Variants in SHTN1 observed in about 807,000 individuals in gnomAD.
The protein encoded by SHTN1 is shootin 1, also known as shootin-1.
SHTN1 carries 42 observed loss-of-function variants against 83.1 expected under a neutral mutation model. The observed-to-expected ratio is 0.51, with a 90% CI of 0.39 to 0.65. SHTN1 has a LOEUF of 0.65. SHTN1 is among the 30% of genes least tolerant of loss of function. The probability of loss-of-function intolerance (pLI) is 0.00; values close to 1 mark genes in which losing one functional copy is unlikely to be tolerated. For synonymous variants in SHTN1, 224 were observed against 247.7 expected, an observed-to-expected ratio of 0.90 and a Z score of 0.90; for missense variants, 622 against 737.8, an observed-to-expected ratio of 0.84 and a Z score of 1.82.
At chr10:116,966,796 A>C (rs1463116286) in intron 3 of SHTN1, among the ~76,000 whole-genome samples, 1 of 152,196 alleles carries the variant, frequency 6.6e-6, no homozygotes, top group Non-Finnish European at 1.5e-5. Context: ...ACACCAATCC[A>C]TTATCAATAA....
chr10:117,103,030 C>A (rs1411138584), intron 1 of SHTN1, among the ~76,000 whole-genome samples: 1 of 152,200 alleles, frequency 6.6e-6, no homozygotes, highest in East Asian at 1.9e-4. Flanking sequence ...ATTATAAAAA[C>A]TGAGGCCTTG....
At chr10:117,123,147 C>A (rs1853955721) in intron 1 of SHTN1, among the ~76,000 whole-genome samples, 1 of 152,124 alleles carries the variant, frequency 6.6e-6, no homozygotes, top group Non-Finnish European at 1.5e-5. Flanking sequence ...GGATTACAGG[C>A]ATGTACCACC....
At chr10:117,125,328 G>A (rs1853987386) in intron 1 of SHTN1, among the ~76,000 whole-genome samples, 1 of 152,170 alleles carries the variant, frequency 6.6e-6, no homozygotes, top group Non-Finnish European at 1.5e-5. Flanking sequence ...TAATGGTGAT[G>A]TCTAGAAACA....
In SHTN1 at chr10:116,940,459, GGGT is replaced by G; in HGVS notation, c.858+4_858+6del. On this transcript the variant is annotated splice_donor_5th_base_variant and intron_variant, in intron 9 of 16. Transcript: ENST00000355371. ...TGTACCTAAGATTCCAGAAGAAAAT[GGGT>G]TACCTTTTGTTGATGCTGAATTCTC... The G allele has an allele frequency of 6.2e-7, 1 of 1,613,244 alleles. No homozygotes were observed. Among genetic ancestry groups the G allele is most frequent in the Non-Finnish European group, 8.5e-7 (1 of 1,179,534 alleles).
At chr10:117,077,194 A>C (rs1853171299) in intron 1 of SHTN1, among the ~76,000 whole-genome samples, 1 of 152,230 alleles carries the variant, frequency 6.6e-6, no homozygotes, top group Admixed American at 6.5e-5. Flanking sequence ...AAGTGTGGTC[A>C]TATGTCAGCT....
chr10:117,113,637 G>C (rs2037540350), intron 1 of SHTN1, among the ~76,000 whole-genome samples: 1 of 152,202 alleles, frequency 6.6e-6, no homozygotes, highest in South Asian at 2.1e-4. Context: ...ACTTGGCCAG[G>C]AACAGTGGCT....
At chr10:116,966,060 G>A (rs1850382519) in intron 3 of SHTN1, among the ~76,000 whole-genome samples, 1 of 152,134 alleles carries the variant, frequency 6.6e-6, no homozygotes, top group Non-Finnish European at 1.5e-5. Context: ...AGTCTGGAGT[G>A]CAGTGGCAAG....
At position 116,886,327 on chromosome 10, in the gene SHTN1, G is replaced by C; in HGVS notation, c.*17C>G. ...TTGAAAAGGACTTCCAAACATGTCAGGCTTCTGGTTTATGGATCAGCAGTT... is the reference window on the plus strand; with the variant it reads ...TTGAAAAGGACTTCCAAACATGTCACGCTTCTGGTTTATGGATCAGCAGTT... On this transcript the variant is annotated 3_prime_UTR_variant, in exon 17 of 17. Transcript: ENST00000355371. 1 of 1,552,170 alleles carries C rather than the reference G, an allele frequency of 6.4e-7. No homozygotes were observed. The highest frequency in any genetic ancestry group is 8.7e-7 in the Non-Finnish European group (1 of 1,147,120).
At chr10:116,898,717 CCTTT>C (rs553015569) in intron 16 of SHTN1, among the ~76,000 whole-genome samples, 186 of 152,196 alleles carry the variant, frequency 1.2e-3, no homozygotes, top group East Asian at 4.1e-3. Context: ...ATTATCTTTT[CCTTT>C]CTTTTTCTTC....
upstream of SHTN1, chr10:117,005,402 G>A (rs1851984869): frequency 3.4e-5 from 40 of 1,173,520 alleles, no homozygotes; most frequent in East Asian, 5.7e-5. Context: ...TGGTGGGAGG[G>A]GGGGCGGCCC....
intron 2 of SHTN1, among the ~76,000 whole-genome samples, chr10:117,043,519 A>G (rs528353502): frequency 1.8e-4 from 27 of 152,328 alleles, no homozygotes; most frequent in African/African-American, 6.5e-4. Context: ...ACATTATCAC[A>G]ATTCTTTTCT....
chr10:116,962,644 A>G (rs79366351), intron 3 of SHTN1, among the ~76,000 whole-genome samples: 6 of 152,298 alleles, frequency 3.9e-5, no homozygotes, highest in East Asian at 3.9e-4. Flanking sequence ...ACAAAACAAA[A>G]AAAACATTTA....
At chr10:117,028,316 A>T (rs1852359260) in intron 2 of SHTN1, among the ~76,000 whole-genome samples, 1 of 152,228 alleles carries the variant, frequency 6.6e-6, no homozygotes, top group African/African-American at 2.4e-5. Context: ...TTAAAGGGGA[A>T]GCAGAGCATA....
intron 2 of SHTN1, among the ~76,000 whole-genome samples, chr10:117,022,697 G>A (rs1041328240): frequency 3.9e-5 from 6 of 152,138 alleles, no homozygotes; most frequent in Non-Finnish European, 8.8e-5. Context: ...GAGGAGGGAG[G>A]ATCACTTAAG....
chr10:116,984,513 C>A (rs776340543), intron 1 of SHTN1, among the ~76,000 whole-genome samples: 1 of 152,076 alleles, frequency 6.6e-6, no homozygotes, highest in South Asian at 2.1e-4. Context: ...CTGTATGAAA[C>A]GTCTCCTTTC....
chr10:116,895,122 T>C (rs1273936140), intron 16 of SHTN1, among the ~76,000 whole-genome samples: 1 of 152,182 alleles, frequency 6.6e-6, no homozygotes, highest in Non-Finnish European at 1.5e-5. Flanking sequence ...AGAATGTATG[T>C]TTTTCAACTA....
chr10:116,951,410 G>A (rs1849772812), intron 6 of SHTN1, among the ~76,000 whole-genome samples: 1 of 152,150 alleles, frequency 6.6e-6, no homozygotes, highest in Non-Finnish European at 1.5e-5. Flanking sequence ...GTGTGACAGA[G>A]TTAGGTCTTG....
intron 4 of SHTN1, among the ~76,000 whole-genome samples, chr10:116,956,812 G>A (rs1437964298): frequency 6.6e-6 from 1 of 151,944 alleles, no homozygotes; most frequent in Non-Finnish European, 1.5e-5. Flanking sequence ...AAAGTCACCA[G>A]CTCAAGAAAA....
At chr10:117,121,452 G>A (rs1369730607) in intron 1 of SHTN1, among the ~76,000 whole-genome samples, 1 of 152,014 alleles carries the variant, frequency 6.6e-6, no homozygotes, top group South Asian at 2.1e-4. Flanking sequence ...GGTGGCACAC[G>A]CCTGTAATCC....
Sources: gnomAD v4.1 joint callset for allele counts (sites outside exome capture counted in the v4.1 genomes callset) on GRCh38, gnomAD v4.1.1 for gene constraint, MANE v1.5 for transcripts, NCBI Gene and HGNC (gene_info 2026-07-23, HGNC 2026-07-21) for gene names.